SMAD6: variants seen among roughly 807,000 people sequenced by gnomAD.
SMAD6 encodes the protein MAD homolog 6.
Under a neutral mutation model 39.4 loss-of-function variants are expected in SMAD6, and 103 were observed. The observed-to-expected ratio is 2.62, with a 90% confidence interval of 2.23 to 3.08. The LOEUF is 3.08. Ranked by LOEUF, SMAD6 falls within the 30% of genes most tolerant of loss-of-function variation. The probability of loss-of-function intolerance (pLI) is 0.00; values close to 1 mark genes in which losing one functional copy is unlikely to be tolerated. For missense variants in SMAD6, 1,104 were observed against 742.9 expected (o/e 1.49, Z -5.65); for synonymous variants, 445 against 353.3 (o/e 1.26, Z -2.91).
Position 66,703,856 on chromosome 15 carries a change from G to C in SMAD6, c.598G>C (p.Gly200Arg). The C allele has an allele frequency of 7.4e-7, 1 of 1,346,670 alleles. No homozygotes were observed. Among genetic ancestry groups the C allele is most frequent in the Non-Finnish European group, 9.6e-7 (1 of 1,038,614 alleles). 83.4% of individuals were successfully genotyped at this position (1,346,670 alleles called of 1,614,324 possible). Reference sequence around the variant, plus strand: ...GCTGGAGGCGGTGGAGTCCCGCGGCGGCGTGCCGGGCGGCTGCGTGCTGGT... The same window carrying C: ...GCTGGAGGCGGTGGAGTCCCGCGGCCGCGTGCCGGGCGGCTGCGTGCTGGT... ...TLLEAVESRGGVPGGCVLVPR... is the reference protein window; with the variant it reads ...TLLEAVESRGRVPGGCVLVPR... Residue 200 changes from glycine (G) to arginine (R), a missense_variant, in exon 1 of 4, where the codon GGC becomes CGC. By Grantham distance (125) the Gly-to-Arg change is moderately radical. Transcript: ENST00000288840.
intron 3 of SMAD6, among the ~76,000 whole-genome samples, chr15:66,779,449 G>A (rs1378800956): frequency 1.3e-5 from 2 of 152,150 alleles, no homozygotes; most frequent in East Asian, 1.9e-4. Flanking sequence ...CAGGACAAGG[G>A]GCACACTCAT....
chr15:66,733,017 C>CT (rs979213710), intron 3 of SMAD6, among the ~76,000 whole-genome samples: 2 of 151,548 alleles, frequency 1.3e-5, no homozygotes, highest in South Asian at 2.1e-4. Flanking sequence ...AGTCTAGGTT[C>CT]TTTTTTTTCA....
chr15:66,733,724 C>A (rs949383116), intron 3 of SMAD6, among the ~76,000 whole-genome samples: 1 of 152,116 alleles, frequency 6.6e-6, no homozygotes, highest in African/African-American at 2.4e-5. Flanking sequence ...TTTATTTCTT[C>A]TGGATTCCCA....
At chr15:66,744,213 A>AAAC (rs1893867745) in intron 3 of SMAD6, among the ~76,000 whole-genome samples, 1 of 152,180 alleles carries the variant, frequency 6.6e-6, no homozygotes. Flanking sequence ...AGAGTCGAAA[A>AAAC]AACAAAAACC....
chr15:66,781,502 C>T lies in SMAD6; in HGVS notation c.1458C>T (p.Cys486=), dbSNP rs746417827. 2 of 1,558,774 alleles carry T rather than the reference C, an allele frequency of 1.3e-6. No individual in the cohort carries two copies. The highest frequency in any genetic ancestry group is 2.8e-5 in the African/African-American group (2 of 72,674). Residue 486 remains cysteine, a synonymous_variant, in exon 4 of 4, where the codon TGC becomes TGT. Coordinates refer to ENST00000288840, the MANE Select transcript of SMAD6 (RefSeq NM_005585.5). Reference sequence around the variant, plus strand: ...GGCAGTTCATCACCTCCTGCCCCTGCTGGCTGGAGATCCTCCTCAACAACC... The same window carrying T: ...GGCAGTTCATCACCTCCTGCCCCTGTTGGCTGGAGATCCTCCTCAACAACC... ...YSRQFITSCP[C]WLEILLNNPR
intron 3 of SMAD6, among the ~76,000 whole-genome samples, chr15:66,767,959 C>CT (rs71142337): frequency 0.24 from 14,687 of 60,462 alleles, 4,002 homozygotes; most frequent in East Asian, 0.38. Context: ...CAAGCTGCAT[C>CT]TTTTTTTTTT....
chr15:66,744,314 C>T (rs1023917710), intron 3 of SMAD6, among the ~76,000 whole-genome samples: 11 of 152,216 alleles, frequency 7.2e-5, no homozygotes, highest in African/African-American at 1.2e-4. Flanking sequence ...TGTGGCCTGC[C>T]TCGGGCCAGG....
chr15:66,773,857 C>G (rs1255070837), intron 3 of SMAD6, among the ~76,000 whole-genome samples: 5 of 152,286 alleles, frequency 3.3e-5, no homozygotes, highest in Non-Finnish European at 7.4e-5. Flanking sequence ...CTTCTTCGCT[C>G]TTGGTAGGGT....
rs138542954 is a variant in SMAD6, at chr15:66,769,613, A to G, written c.953-11384A>G. Among the ~76,000 whole-genome samples, 15 of 152,274 alleles carry G rather than the reference A, an allele frequency of 9.9e-5. No homozygotes were observed. The East Asian group carries it at 2.1e-3, about 22-fold the overall frequency. The stretch of plus-strand genomic sequence containing the variant: ...CCTGGTTACCCCCTGGGACATTTCT[A>G]CACCAGTGTGGGTGCCTGTTCCTGA... On this transcript the variant is annotated intron_variant, in intron 3 of 3. Coordinates refer to ENST00000288840, the MANE Select transcript of SMAD6 (RefSeq NM_005585.5).
In SMAD6 at chr15:66,763,645, C is replaced by T. The variant is rs149459767; in HGVS notation, c.953-17352C>T. Among the ~76,000 whole-genome samples, 570 of 152,380 alleles carry T rather than the reference C, an allele frequency of 3.7e-3. 3 individuals carry two copies. Among genetic ancestry groups the T allele is most frequent in the Middle Eastern group, 0.014 (4 of 294 alleles). ...ACTCCCCAGCTTATCTGGGGCCCCT[C>T]ACCTCTGTCCTCTCCAGGGTTGAAA... On this transcript the variant is annotated intron_variant, in intron 3 of 3. Transcript: ENST00000288840.
At chr15:66,758,365 G>C (rs975857461) in intron 3 of SMAD6, among the ~76,000 whole-genome samples, 1 of 152,146 alleles carries the variant, frequency 6.6e-6, no homozygotes, top group African/African-American at 2.4e-5. Flanking sequence ...TCAAAAAACA[G>C]AACAGCATGG....
chr15:66,713,540 G>C (rs747047730), intron 2 of SMAD6, among the ~76,000 whole-genome samples: 2 of 152,170 alleles, frequency 1.3e-5, no homozygotes, highest in Non-Finnish European at 2.9e-5. Context: ...GGCTGGTCTC[G>C]ATCTCCTGAC....
chr15:66,711,635 C>T (rs771779955), intron 1 of SMAD6, 33 bp from the exon 2 acceptor site: 6 of 1,580,388 alleles, frequency 3.8e-6, no homozygotes, highest in Non-Finnish European at 5.2e-6. Context: ...GCTCCCCAAC[C>T]CTGGCAGTGA....
intron 3 of SMAD6, among the ~76,000 whole-genome samples, chr15:66,772,247 G>A (rs556249729): frequency 1.3e-5 from 2 of 152,236 alleles, no homozygotes; most frequent in Non-Finnish European, 2.9e-5. Context: ...CAATTCTGCA[G>A]CTTCCTGGCT....
At position 66,781,327 on chromosome 15, in the gene SMAD6, G is replaced by T. The variant is rs1300835483; in HGVS notation, c.1283G>T (p.Arg428Leu). ...CCCGGCGGCCGCGCCCTGGTCGTGC[G>T]CAAGGTGCCCCCCGGCTACTCCATC... ...DAPGGRALVV[R>L]KVPPGYSIKV... The change falls in exon 4 of 4, where the codon CGC becomes CTC. Residue 428 changes from arginine (R) to leucine (L), a missense_variant. By Grantham distance (102) the Arg-to-Leu change is moderately radical. Transcript: ENST00000288840. 1.3e-6 allele frequency: 2 copies of T among 1,598,780 alleles called. No homozygotes were observed. Among genetic ancestry groups the T allele is most frequent in the South Asian group, 2.2e-5 (2 of 90,814 alleles).
intron 3 of SMAD6, among the ~76,000 whole-genome samples, chr15:66,734,253 C>T (rs1004098875): frequency 6.6e-6 from 1 of 152,194 alleles, no homozygotes; most frequent in Non-Finnish European, 1.5e-5. Context: ...CCTCACCCCG[C>T]GGTACTGAGT....
chr15:66,760,747 C>A (rs776709444), intron 3 of SMAD6, among the ~76,000 whole-genome samples: 4 of 152,310 alleles, frequency 2.6e-5, no homozygotes, highest in Non-Finnish European at 5.9e-5. Context: ...CCATCCGTGA[C>A]GGCTCCAGAG....
intron 3 of SMAD6, among the ~76,000 whole-genome samples, chr15:66,756,740 G>A (rs1254739888): frequency 1.3e-5 from 2 of 152,238 alleles, no homozygotes; most frequent in Non-Finnish European, 2.9e-5. Context: ...GGAAACCAAA[G>A]CCCAGGGCTT....
intron 3 of SMAD6, among the ~76,000 whole-genome samples, chr15:66,749,898 G>A (rs1023535593): frequency 6.6e-6 from 1 of 152,330 alleles, no homozygotes; most frequent in East Asian, 1.9e-4. Context: ...GGACAGTGGA[G>A]CCTGCTGCAG....
Sources: allele counts gnomAD v4.1 joint callset (sites outside exome capture counted in the v4.1 genomes callset), GRCh38; gene constraint gnomAD v4.1.1; transcripts MANE v1.5; gene names NCBI Gene and HGNC (gene_info 2026-07-23, HGNC 2026-07-21).